DNTTIP2: variants seen among roughly 807,000 people sequenced by gnomAD.
DNTTIP2 encodes deoxynucleotidyltransferase terminal interacting protein 2.
A neutral mutation model predicts 62.4 loss-of-function variants in DNTTIP2; 47 were observed. The observed-to-expected ratio is 0.75, with a 90% CI of 0.60 to 0.96. DNTTIP2 has a LOEUF of 0.96. Among genes scored for constraint, DNTTIP2 ranks in the 40% least tolerant of loss-of-function variants. DNTTIP2 has a pLI of 0.00. For missense variants in DNTTIP2, 870 were observed against 849.1 expected (o/e 1.02, Z -0.31); for synonymous variants, 322 against 300.9 (o/e 1.07, Z -0.73).
chr1:93,871,986 A>G, intron 5 of DNTTIP2, 86 bp downstream of exon 5: 3 of 1,440,696 alleles, frequency 2.1e-6, no homozygotes, highest in Non-Finnish European at 2.9e-6. Context: ...AATATCCTCT[A>G]TTTTAGGAGT....
In DNTTIP2 at chr1:93,876,395, C is replaced by A. The variant is rs1274416405; in HGVS notation, c.1540G>T (p.Val514Phe). ...YLEEEDKASEVAIEEEKEEEE... is the reference protein window; with the variant it reads ...YLEEEDKASEFAIEEEKEEEE... ...TCTTCTTTTTCTTCCTCAATGGCAA[C>A]CTCACTTGCCTTGTCTTCCTCTTCC... The change falls in exon 2 of 7, where the codon GTT becomes TTT. Residue 514 changes from valine to phenylalanine, a missense_variant. Transcript: ENST00000436063. 6.2e-7 allele frequency: 1 copy of A among 1,602,252 alleles called. No homozygotes were observed. Among genetic ancestry groups the A allele is most frequent in the South Asian group, 1.1e-5 (1 of 90,040 alleles).
At chr1:93,870,829 TG>T in intron 5 of DNTTIP2, 37 bp from the exon 6 acceptor site, 1 of 1,141,906 alleles carries the variant, frequency 8.8e-7, no homozygotes, top group Non-Finnish European at 1.2e-6. Flanking sequence ...ATGCATTGAG[TG>T]CCAAGATGCT....
chr1:93,873,439 AAAAAG>A (rs1048751807), intron 3 of DNTTIP2: 2 of 373,484 alleles, frequency 5.4e-6, no homozygotes, highest in African/African-American at 2.2e-5. Context: ...AAAAAAAAAA[AAAAAG>A]AAAAGAAATT....
Position 93,867,174 on chromosome 1 carries a change from C to G in DNTTIP2, c.*2677G>C, listed in dbSNP as rs906054498. On this transcript the variant is annotated 3_prime_UTR_variant, in exon 7 of 7. Coordinates refer to ENST00000436063, the MANE Select transcript of DNTTIP2 (RefSeq NM_014597.5). The stretch of plus-strand genomic sequence containing the variant: ...AAAAAAAAAAAAAAGCATCTTGGAG[C>G]CAGATGGTGTATAAATACAGCATTC... 3 of 147,826 alleles carry G rather than the reference C, an allele frequency of 2.0e-5. No homozygotes were observed. The highest frequency in any genetic ancestry group is 7.6e-5 in the African/African-American group (3 of 39,686). 9.2% of individuals were successfully genotyped at this position (147,826 alleles called of 1,614,324 possible).
At position 93,876,607 on chromosome 1, in the gene DNTTIP2, A is replaced by G; in HGVS notation, c.1328T>C (p.Leu443Pro). ...TSQGKDNSVL[L>P]VLSSDESQQS... ...TTGGCTTTCATCACTGCTGAGAACT[A>G]GTAAGACAGAATTATCTTTACCCTG... Residue 443 changes from leucine (L) to proline (P), a missense_variant, in exon 2 of 7, where the codon CTA becomes CCA. Physicochemically the swap from Leu to Pro is moderately conservative, Grantham distance 98. Transcript: ENST00000436063. 6.2e-7 allele frequency: 1 copy of G among 1,614,038 alleles called. No individual in the cohort carries two copies.
At chr1:93,877,901 C>G in intron 1 of DNTTIP2, 39 bp from the exon 2 acceptor site, 2 of 1,572,148 alleles carry the variant, frequency 1.3e-6, no homozygotes, top group South Asian at 1.2e-5. Context: ...TTAGGTAGGG[C>G]TGGAACAAGG....
chr1:93,870,750 G>C lies in DNTTIP2; in HGVS notation c.2110C>G (p.Arg704Gly). The change falls in exon 6 of 7, where the codon CGA becomes GGA. Residue 704 changes from arginine (R) to glycine (G), a missense_variant. By Grantham distance (125) the Arg-to-Gly change is moderately radical. Transcript: ENST00000436063. ...CTTTTCCTTTGCTTCTTGGGAATTC[G>C]TGAATGGTAGAAATCAGCTGGATTG... ...VDNPADFYHSRIPKKQRKRTI... is the reference protein window; with the variant it reads ...VDNPADFYHSGIPKKQRKRTI... 6.4e-7 allele frequency: 1 copy of C among 1,569,436 alleles called. No homozygotes were observed. The highest frequency in any genetic ancestry group is 8.7e-7 in the Non-Finnish European group (1 of 1,154,212).
rs1656047215 is a variant in DNTTIP2, at chr1:93,877,608, TCTC to T, written c.324_326del (p.Arg110del). 6.2e-7 allele frequency: 1 copy of T among 1,613,890 alleles called. No individual in the cohort carries two copies. The highest frequency in any genetic ancestry group is 1.1e-5 in the South Asian group (1 of 91,080). On this transcript the variant is annotated inframe_deletion, in exon 2 of 7. Coordinates refer to ENST00000436063, the MANE Select transcript of DNTTIP2 (RefSeq NM_014597.5). ...GGGAGCATGCAATTAAGATCTGCCTTCTCCTAGTTACCCTTAAAATGGTATCAT... is the reference window on the plus strand; with the variant it reads ...GGGAGCATGCAATTAAGATCTGCCTTCTAGTTACCCTTAAAATGGTATCAT...
At position 93,879,167 on chromosome 1, in the gene DNTTIP2, A is replaced by C; in HGVS notation, c.-19T>G. On this transcript the variant is annotated 5_prime_UTR_variant, in exon 1 of 7. Transcript: ENST00000436063. ...CCACCATCTTTCCGGCTCCCTCGCGACCACCACGACTTCCCTCTTCCCTGG... is the reference window on the plus strand; with the variant it reads ...CCACCATCTTTCCGGCTCCCTCGCGCCCACCACGACTTCCCTCTTCCCTGG... 2 of 1,610,556 alleles carry C rather than the reference A, an allele frequency of 1.2e-6. No individual in the cohort carries two copies. Among genetic ancestry groups the C allele is most frequent in the Non-Finnish European group, 1.7e-6 (2 of 1,179,078 alleles).
intron 3 of DNTTIP2, among the ~76,000 whole-genome samples, chr1:93,873,777 TAAATA>T (rs1398433574): frequency 1.3e-5 from 2 of 152,182 alleles, no homozygotes; most frequent in Non-Finnish European, 2.9e-5. Context: ...CCAAAATAAA[TAAATA>T]AATTTGTGCA....
Position 93,876,857 on chromosome 1 carries a change from T to A in DNTTIP2, c.1078A>T (p.Met360Leu). ...GCAAATGTTTGAGTTAATGATTTCATTACAGCCTCAGAGTTCAGATTAGAG... is the reference window on the plus strand; with the variant it reads ...GCAAATGTTTGAGTTAATGATTTCAATACAGCCTCAGAGTTCAGATTAGAG... The part of the protein sequence containing the change: ...VHSNLNSEAV[M>L]KSLTQTFATV... The change falls in exon 2 of 7, where the codon ATG becomes TTG. Residue 360 changes from methionine to leucine, a missense_variant. Transcript: ENST00000436063. 6.2e-7 allele frequency: 1 copy of A among 1,614,016 alleles called. No individual in the cohort carries two copies. The highest frequency in any genetic ancestry group is 8.5e-7 in the Non-Finnish European group (1 of 1,179,882).
In DNTTIP2 at chr1:93,876,627, AC is replaced by A; in HGVS notation, c.1307del (p.Gly436ValfsTer8). 6 of 1,614,006 alleles carry A rather than the reference AC, an allele frequency of 3.7e-6. No individual in the cohort carries two copies. The South Asian group carries it at 6.6e-5, about 18-fold the overall frequency. ...GAACTAGTAAGACAGAATTATCTTT[AC>A]CCTGAGATGTGTTGGGCGCAGACGT... ...LYTSAPNTSQ[G>X]KDNSVLLVLS... On this transcript the variant is annotated frameshift_variant, in exon 2 of 7. Coordinates refer to ENST00000436063, the MANE Select transcript of DNTTIP2 (RefSeq NM_014597.5). LOFTEE classifies it high-confidence loss of function.
chr1:93,872,361 G>T, intron 4 of DNTTIP2, 125 bp from the exon 5 acceptor site: 1 of 908,680 alleles, frequency 1.1e-6, no homozygotes, highest in Non-Finnish European at 1.6e-6. Context: ...TTTATTGAAA[G>T]CACTTAAATC....
rs571056022 is a variant in DNTTIP2 at position 93,867,392 on chromosome 1, G to C, written c.*2459C>G. On this transcript the variant is annotated 3_prime_UTR_variant, in exon 7 of 7. Coordinates refer to ENST00000436063, the MANE Select transcript of DNTTIP2 (RefSeq NM_014597.5). ...GGAGGCCGAGGCGGGTGGATCACTT[G>C]AGGTAAGGATGGCAAAACCCCATCT... 1 of 152,134 alleles carries C rather than the reference G, an allele frequency of 6.6e-6. No individual in the cohort carries two copies. The highest frequency in any genetic ancestry group is 1.9e-4 in the East Asian group (1 of 5,138). The allele number at this position is 152,134 out of a possible 1,614,324, so 9.4% of individuals were successfully genotyped here. A position where few individuals can be genotyped will look rare whatever the true frequency, so the allele number is the denominator to read the frequency against.
rs891933474 is a variant in DNTTIP2 at position 93,870,677 on chromosome 1, C to G, written c.2177+6G>C. ...CATATTATAAAATAAATATGAATTC[C>G]TTTACCTTCTGAATTCAGAATCAGC... On this transcript the variant is annotated splice_donor_region_variant and intron_variant, in intron 6 of 6. Transcript: ENST00000436063. The G allele has an allele frequency of 2.0e-6, 3 of 1,491,242 alleles. No individual in the cohort carries two copies. Among genetic ancestry groups the G allele is most frequent in the Non-Finnish European group, 2.7e-6 (3 of 1,102,770 alleles). The allele number at this position is 1,491,242 out of a possible 1,614,324, so 92.4% of individuals were successfully genotyped here. A position where few individuals can be genotyped will look rare whatever the true frequency, so the allele number is the denominator to read the frequency against.
intron 5 of DNTTIP2, among the ~76,000 whole-genome samples, chr1:93,871,324 AC>A (rs943680289): frequency 2.0e-5 from 3 of 152,238 alleles, no homozygotes; most frequent in Non-Finnish European, 4.4e-5. Flanking sequence ...AGGAAGCTCC[AC>A]AAAAAGTAAC....
chr1:93,875,672 T>G lies in DNTTIP2; in HGVS notation c.1779A>C (p.Thr593=). Residue 593 remains threonine (T), a synonymous_variant, in exon 3 of 7, where the codon ACA becomes ACC. Transcript: ENST00000436063. ...CATTTTTCTTTTTCTCCTTGATCTGTGTTAGGGTTCTCTTGTTAGACTGTA... is the reference window on the plus strand; with the variant it reads ...CATTTTTCTTTTTCTCCTTGATCTGGGTTAGGGTTCTCTTGTTAGACTGTA... ...DKLQSNKRTL[T]QIKEKKKNEL... 1 of 1,613,266 alleles carries G rather than the reference T, an allele frequency of 6.2e-7. No homozygotes were observed. Among genetic ancestry groups the G allele is most frequent in the Non-Finnish European group, 8.5e-7 (1 of 1,179,746 alleles).
At position 93,872,250 on chromosome 1, in the gene DNTTIP2, T is replaced by A; in HGVS notation, c.1903-14A>T. On this transcript the variant is annotated splice_polypyrimidine_tract_variant and intron_variant, in intron 4 of 6. Transcript: ENST00000436063. ...TTGTCGTTCTTTCTGAAATTATGAT[T>A]TCAAAAATAAACATTCTAACAGCTA... is the stretch of plus-strand genomic sequence containing the variant. The A allele has an allele frequency of 2.5e-6, 4 of 1,611,634 alleles. No individual in the cohort carries two copies. The highest frequency in any genetic ancestry group is 3.4e-6 in the Non-Finnish European group (4 of 1,179,108).
At chr1:93,878,247 T>C (rs1189839144) in intron 1 of DNTTIP2, among the ~76,000 whole-genome samples, 1 of 152,140 alleles carries the variant, frequency 6.6e-6, no homozygotes, top group Non-Finnish European at 1.5e-5. Flanking sequence ...GAAGTTGCAG[T>C]GAGCCGAGGC....
Sources: allele counts gnomAD v4.1 joint callset (sites outside exome capture counted in the v4.1 genomes callset), GRCh38; gene constraint gnomAD v4.1.1; transcripts MANE v1.5; gene names NCBI Gene and HGNC (gene_info 2026-07-23, HGNC 2026-07-21).